The following FRMD5 variants were observed in gnomAD, a reference collection of about 807,000 sequenced individuals.
FRMD5 encodes the protein FERM domain containing 5, also known as FERM domain-containing protein 5.
A neutral mutation model predicts 69.0 loss-of-function variants in FRMD5; 20 were observed. That is an observed-to-expected ratio of 0.29 (90% CI 0.20 to 0.42). The LOEUF is 0.42. Ranked by LOEUF, FRMD5 falls within the 10% of genes least tolerant of loss-of-function variation. The pLI, the probability that FRMD5 is intolerant of heterozygous loss-of-function variation, is 1.00. For synonymous variants in FRMD5, 271 were observed against 260.1 expected (o/e 1.04, Z -0.40); for missense variants, 595 against 708.6 (o/e 0.84, Z 1.82).
At chr15:43,961,794 A>C (rs201628655) in intron 1 of FRMD5, among the ~76,000 whole-genome samples, 5 of 152,346 alleles carry the variant, frequency 3.3e-5, no homozygotes, top group African/African-American at 1.2e-4. Context: ...ACAGAACCAA[A>C]GACAAAAACC....
chr15:44,076,915 T>C (rs886261175), intron 1 of FRMD5, among the ~76,000 whole-genome samples: 21 of 152,186 alleles, frequency 1.4e-4, no homozygotes, highest in African/African-American at 5.1e-4. Flanking sequence ...CCCACAGTTG[T>C]TACCAAAAAT....
chr15:44,063,800 A>G, intron 1 of FRMD5: 1 of 313,772 alleles, frequency 3.2e-6, no homozygotes. Context: ...TACATCATGG[A>G]GTCCACTGGT....
At chr15:44,115,778 T>G (rs1401553222) in intron 1 of FRMD5, among the ~76,000 whole-genome samples, 1 of 152,242 alleles carries the variant, frequency 6.6e-6, no homozygotes, top group Non-Finnish European at 1.5e-5. Flanking sequence ...AGAGGAAATC[T>G]GAGTTCTAAA....
chr15:43,961,639 G>C (rs2090203172), intron 1 of FRMD5, among the ~76,000 whole-genome samples: 1 of 152,162 alleles, frequency 6.6e-6, no homozygotes, highest in Admixed American at 6.5e-5. Context: ...GATGAATATT[G>C]ATGCAAAAAT....
At chr15:43,987,181 T>C (rs1889435208) in intron 1 of FRMD5, among the ~76,000 whole-genome samples, 1 of 152,192 alleles carries the variant, frequency 6.6e-6, no homozygotes, top group Non-Finnish European at 1.5e-5. Flanking sequence ...GGCCTCTAAG[T>C]GTTCAAGTGA....
intron 1 of FRMD5, among the ~76,000 whole-genome samples, chr15:44,096,220 A>G (rs1457390413): frequency 6.6e-6 from 1 of 151,262 alleles, no homozygotes; most frequent in Non-Finnish European, 1.5e-5. Context: ...AAAAAAAAAA[A>G]AAAAAAAAAG....
chr15:44,133,168 C>G (rs569562660), intron 1 of FRMD5, among the ~76,000 whole-genome samples: 1 of 151,616 alleles, frequency 6.6e-6, no homozygotes, highest in East Asian at 2.0e-4. Flanking sequence ...GAGCTGAGAT[C>G]GCGCCACTGC....
intron 1 of FRMD5, among the ~76,000 whole-genome samples, chr15:44,052,059 T>C (rs1481589886): frequency 6.6e-6 from 1 of 151,958 alleles, no homozygotes; most frequent in Non-Finnish European, 1.5e-5. Context: ...GAGTGAGGAG[T>C]TGTGCTCCAC....
intron 1 of FRMD5, among the ~76,000 whole-genome samples, chr15:43,959,761 T>C (rs367953647): frequency 3.5e-4 from 54 of 152,342 alleles, no homozygotes; most frequent in African/African-American, 1.2e-3. Context: ...AGATTTTTTT[T>C]TCCTAGACAT....
intron 1 of FRMD5, among the ~76,000 whole-genome samples, chr15:44,164,724 T>C (rs1011234393): frequency 3.3e-5 from 5 of 152,200 alleles, no homozygotes; most frequent in African/African-American, 1.2e-4. Context: ...GACTTGGGCT[T>C]GGCTACTCAG....
intron 1 of FRMD5, among the ~76,000 whole-genome samples, chr15:44,049,072 C>T (rs1168121075): frequency 1.3e-5 from 2 of 152,162 alleles, no homozygotes; most frequent in South Asian, 2.1e-4. Context: ...AAATGGCTGG[C>T]ATGTGCTACC....
chr15:43,980,063 C>T (rs1030634212), intron 1 of FRMD5, among the ~76,000 whole-genome samples: 23 of 152,094 alleles, frequency 1.5e-4, no homozygotes, highest in African/African-American at 3.9e-4. Flanking sequence ...GTTTTTGCTT[C>T]GAAATACTAG....
At chr15:44,042,233 A>C (rs182881648) in intron 1 of FRMD5, among the ~76,000 whole-genome samples, 7 of 152,348 alleles carry the variant, frequency 4.6e-5, no homozygotes, top group African/African-American at 1.7e-4. Context: ...CTAAACCAGG[A>C]AGAAGTTGAA....
intron 1 of FRMD5, among the ~76,000 whole-genome samples, chr15:44,088,462 A>T (rs1214618117): frequency 1.3e-5 from 2 of 152,186 alleles, no homozygotes; most frequent in Non-Finnish European, 2.9e-5. Flanking sequence ...TATTTATTTA[A>T]GTAATATCAG....
At chr15:44,194,667 G>A in intron 1 of FRMD5, 2 of 471,194 alleles carry the variant, frequency 4.2e-6, no homozygotes, top group East Asian at 4.5e-5. Context: ...GGGCGGGCTC[G>A]AGGAACCAGG....
chr15:44,003,165 T>C (rs1265668442), intron 1 of FRMD5, among the ~76,000 whole-genome samples: 1 of 152,168 alleles, frequency 6.6e-6, no homozygotes, highest in Non-Finnish European at 1.5e-5. Flanking sequence ...ATCTATCTAA[T>C]CTGTCAGAAA....
At chr15:43,891,887 GA>G (rs760674026) in intron 8 of FRMD5, 93 bp downstream of exon 8, 26 of 1,012,134 alleles carry the variant, frequency 2.6e-5, no homozygotes, top group Non-Finnish European at 3.9e-5. Flanking sequence ...CTCTGAACCA[GA>G]ACTGCCCAAT....
chr15:43,893,301 C>T (rs2088838629), intron 7 of FRMD5, among the ~76,000 whole-genome samples: 1 of 152,082 alleles, frequency 6.6e-6, no homozygotes, highest in Non-Finnish European at 1.5e-5. Context: ...CAGTTGCCAC[C>T]AGCCCTGAGG....
chr15:44,057,352 T>A (rs1328928290), intron 1 of FRMD5, among the ~76,000 whole-genome samples: 4 of 151,866 alleles, frequency 2.6e-5, no homozygotes, highest in Non-Finnish European at 5.9e-5. Context: ...GTGATCCACC[T>A]GCCTCAGCCT....
Sources: gnomAD v4.1 joint callset for allele counts (sites outside exome capture counted in the v4.1 genomes callset) on GRCh38, gnomAD v4.1.1 for gene constraint, MANE v1.5 for transcripts, NCBI Gene and HGNC (gene_info 2026-07-23, HGNC 2026-07-21) for gene names.